Variants in POLD3 observed in about 807,000 individuals in gnomAD.
The protein encoded by POLD3 is DNA polymerase delta subunit 3.
A neutral mutation model predicts 58.2 loss-of-function variants in POLD3; 19 were observed. That is an observed-to-expected ratio of 0.33 (90% CI 0.23 to 0.48). The LOEUF is 0.48. Among genes scored for constraint, POLD3 ranks in the 20% least tolerant of loss-of-function variants. The probability of loss-of-function intolerance (pLI) is 0.99; values close to 1 mark genes in which losing one functional copy is unlikely to be tolerated. For missense variants in POLD3, 504 were observed against 545.5 expected, an observed-to-expected ratio of 0.92 and a Z score of 0.76; for synonymous variants, 172 against 193.5, an observed-to-expected ratio of 0.89 and a Z score of 0.92.
At chr11:74,654,925 C>T (rs1273239033) in intron 4 of POLD3, among the ~76,000 whole-genome samples, 1 of 152,178 alleles carries the variant, frequency 6.6e-6, no homozygotes, top group Non-Finnish European at 1.5e-5. Flanking sequence ...GGAATGAGAG[C>T]CATAGTGAGC....
intron 3 of POLD3, among the ~76,000 whole-genome samples, chr11:74,608,225 C>T (rs2031763410): frequency 6.6e-6 from 1 of 152,206 alleles, no homozygotes; most frequent in Non-Finnish European, 1.5e-5. Flanking sequence ...AAGCGATCCC[C>T]TTGCCTCAGC....
chr11:74,664,939 A>G (rs1277275403), intron 4 of POLD3, among the ~76,000 whole-genome samples: 2 of 151,920 alleles, frequency 1.3e-5, no homozygotes, highest in African/African-American at 4.8e-5. Flanking sequence ...GTCTCTACTA[A>G]AAATACAAAA....
rs985641913 is a variant in POLD3 at position 74,642,076 on chromosome 11, G to C, written c.*1310G>C. 2.0e-6 allele frequency: 2 copies of C among 985,252 alleles called. No individual in the cohort carries two copies. The highest frequency in any genetic ancestry group is 2.4e-6 in the Non-Finnish European group (2 of 829,920). 61.0% of individuals were successfully genotyped at this position (985,252 alleles called of 1,614,324 possible). On this transcript the variant is annotated 3_prime_UTR_variant, in exon 12 of 12. Transcript: ENST00000263681. ...TGTGTCTCACACGTAGCAGACAAGG[G>C]GTGTCTGACTGGCTTCTTTTGCCTC... is the stretch of plus-strand genomic sequence containing the variant.
chr11:74,620,483 ATC>A (rs1565120415), intron 7 of POLD3, among the ~76,000 whole-genome samples: 3 of 152,144 alleles, frequency 2.0e-5, no homozygotes, highest in African/African-American at 7.2e-5. Context: ...TATTTCTTCT[ATC>A]TCTCAAGGGT....
chr11:74,623,307 C>A (rs1253360087), intron 7 of POLD3, among the ~76,000 whole-genome samples: 4 of 151,928 alleles, frequency 2.6e-5, no homozygotes, highest in African/African-American at 9.7e-5. Flanking sequence ...TGTTGGTGGG[C>A]GCCTGTAGTC....
chr11:74,632,877 T>TATACACACACACAC (rs1263669028), intron 9 of POLD3, among the ~76,000 whole-genome samples: 2 of 115,730 alleles, frequency 1.7e-5, no homozygotes, highest in African/African-American at 8.6e-5. Context: ...TTTAAGTAAA[T>TATACACACACACAC]ACACACACAC....
chr11:74,601,149 T>TA (rs1837539828), intron 2 of POLD3, among the ~76,000 whole-genome samples: 1 of 152,220 alleles, frequency 6.6e-6, no homozygotes, highest in Non-Finnish European at 1.5e-5. Flanking sequence ...GACTATTAGT[T>TA]GTGGATAAAA....
chr11:74,662,837 C>T (rs2033220852), intron 4 of POLD3, among the ~76,000 whole-genome samples: 1 of 152,180 alleles, frequency 6.6e-6, no homozygotes, highest in Non-Finnish European at 1.5e-5. Flanking sequence ...GCTGAGGCTT[C>T]CCTAAACTCA....
chr11:74,612,800 C>CA (rs2031958236), intron 4 of POLD3, 78 bp from the exon 5 acceptor site: 1 of 1,260,504 alleles, frequency 7.9e-7, no homozygotes, highest in South Asian at 1.4e-5. Flanking sequence ...TGCTTTAATG[C>CA]AGAAGGGTTT....
At chr11:74,669,239 A>G (rs1403349218), downstream of POLD3, 2 of 161,782 alleles carry the variant, frequency 1.2e-5, no homozygotes, top group South Asian at 1.7e-4. Flanking sequence ...AATGCACAAG[A>G]AAGTGCTTTG....
intron 11 of POLD3, among the ~76,000 whole-genome samples, chr11:74,638,236 C>T (rs371726775): frequency 8.6e-5 from 13 of 151,968 alleles, no homozygotes; most frequent in African/African-American, 3.1e-4. Context: ...CTGGGGTTTG[C>T]GGTAGCTACA....
chr11:74,635,353 G>A lies in POLD3; in HGVS notation c.1119+658G>A, dbSNP rs183063917. Among the ~76,000 whole-genome samples, 10 of 152,318 alleles carry A rather than the reference G, an allele frequency of 6.6e-5. No homozygotes were observed. The East Asian group carries it at 1.9e-3, about 29-fold the overall frequency. On this transcript the variant is annotated intron_variant, in intron 10 of 11. Transcript: ENST00000263681. ...TGGAGATAAAAGGAAGTTGATACTA[G>A]TAATACCTATTTTGAGACTAAATTA...
chr11:74,626,050 A>G (rs532125367), intron 8 of POLD3, among the ~76,000 whole-genome samples: 2 of 152,330 alleles, frequency 1.3e-5, no homozygotes, highest in East Asian at 1.9e-4. Context: ...ACATAAAGCT[A>G]TTAAAACTAG....
At chr11:74,620,731 C>T (rs1367377116) in intron 7 of POLD3, among the ~76,000 whole-genome samples, 1 of 152,072 alleles carries the variant, frequency 6.6e-6, no homozygotes, top group Non-Finnish European at 1.5e-5. Flanking sequence ...GTGTACATCC[C>T]CTGAGAGTAT....
downstream of POLD3, among the ~76,000 whole-genome samples, chr11:74,646,709 A>T (rs2033003153): frequency 6.6e-6 from 1 of 152,234 alleles, no homozygotes; most frequent in Admixed American, 6.5e-5. Flanking sequence ...GACATTTGGC[A>T]TTTGTGCCCT....
At chr11:74,625,382 T>C in intron 7 of POLD3, 26 bp from the exon 8 acceptor site, 1 of 1,563,176 alleles carries the variant, frequency 6.4e-7, no homozygotes, top group South Asian at 1.2e-5. Flanking sequence ...TGGGGTCATA[T>C]GTCGTCTGCT....
At chr11:74,663,758 G>A (rs1481432787) in intron 4 of POLD3, among the ~76,000 whole-genome samples, 2 of 152,066 alleles carry the variant, frequency 1.3e-5, no homozygotes, top group Admixed American at 6.6e-5. Flanking sequence ...TCAATAAAAT[G>A]GAATTCATCA....
chr11:74,665,819 A>G (rs1388784017), intron 4 of POLD3, among the ~76,000 whole-genome samples: 1 of 152,240 alleles, frequency 6.6e-6, no homozygotes, highest in Non-Finnish European at 1.5e-5. Flanking sequence ...TGAAAGACTG[A>G]AAACTTACCC....
At chr11:74,638,362 C>T (rs1191849544) in intron 11 of POLD3, among the ~76,000 whole-genome samples, 1 of 152,018 alleles carries the variant, frequency 6.6e-6, no homozygotes, top group Non-Finnish European at 1.5e-5. Context: ...ATGTCTCACA[C>T]AAAATTGGCA....
Sources: gnomAD v4.1 joint callset for allele counts (sites outside exome capture counted in the v4.1 genomes callset) on GRCh38, gnomAD v4.1.1 for gene constraint, MANE v1.5 for transcripts, NCBI Gene and HGNC (gene_info 2026-07-23, HGNC 2026-07-21) for gene names.